Variants in ATP2B1 observed in about 807,000 individuals in gnomAD.
ATP2B1 encodes ATPase plasma membrane Ca2+ transporting 1.
In ATP2B1, 14 loss-of-function variants were observed where a neutral mutation model predicts 124.2. The observed-to-expected ratio is 0.11, with a 90% CI of 0.07 to 0.18. The LOEUF (loss-of-function observed/expected upper bound fraction) is 0.18, where lower values mean the gene tolerates loss of function less well. Among genes scored for constraint, ATP2B1 ranks in the 10% least tolerant of loss-of-function variants. The probability of loss-of-function intolerance (pLI) is 1.00; values close to 1 mark genes in which losing one functional copy is unlikely to be tolerated. For synonymous variants in ATP2B1, 449 were observed against 492.4 expected (o/e 0.91, Z 1.17); for missense variants, 763 against 1,466.1 (o/e 0.52, Z 7.83).
At chr12:89,653,091 T>A (rs1422335712) in intron 2 of ATP2B1, among the ~76,000 whole-genome samples, 2 of 152,192 alleles carry the variant, frequency 1.3e-5, no homozygotes, top group Non-Finnish European at 2.9e-5. Flanking sequence ...CTTCACATTC[T>A]TTTTAAAATA....
At chr12:89,601,709 G>A (rs534756953) in intron 18 of ATP2B1, among the ~76,000 whole-genome samples, 2 of 152,024 alleles carry the variant, frequency 1.3e-5, no homozygotes, top group Admixed American at 6.5e-5. Flanking sequence ...TTTAAATTAC[G>A]CTTACTAAAA....
chr12:89,643,156 A>ATATG (rs368833306), intron 2 of ATP2B1, among the ~76,000 whole-genome samples: 9 of 150,678 alleles, frequency 6.0e-5, no homozygotes, highest in East Asian at 1.9e-4. Flanking sequence ...GTATATGTAT[A>ATATG]TATGTATGTA....
chr12:89,680,719 CA>C (rs1889234508), intron 1 of ATP2B1, among the ~76,000 whole-genome samples: 1 of 151,656 alleles, frequency 6.6e-6, no homozygotes, highest in South Asian at 2.1e-4. Flanking sequence ...CAATCTAAAC[CA>C]GCATAATGAA....
intron 2 of ATP2B1, among the ~76,000 whole-genome samples, chr12:89,648,220 A>G (rs1400679880): frequency 2.0e-5 from 3 of 152,218 alleles, no homozygotes; most frequent in African/African-American, 4.8e-5. Context: ...AGAAGAAGAC[A>G]GGGAAATGAG....
At chr12:89,687,271 T>C (rs1428629126) in intron 1 of ATP2B1, among the ~76,000 whole-genome samples, 3 of 152,268 alleles carry the variant, frequency 2.0e-5, no homozygotes, top group Non-Finnish European at 4.4e-5. Flanking sequence ...AAACATTTAC[T>C]GTCGTGTTAC....
intron 1 of ATP2B1, among the ~76,000 whole-genome samples, chr12:89,675,527 C>T (rs553508769): frequency 5.4e-4 from 82 of 152,166 alleles, no homozygotes; most frequent in Non-Finnish European, 1.0e-3. Flanking sequence ...CCTAAGTATG[C>T]GGTCGAACAC....
chr12:89,618,157 G>C (rs1879332405), intron 11 of ATP2B1, among the ~76,000 whole-genome samples: 1 of 151,664 alleles, frequency 6.6e-6, no homozygotes, highest in Non-Finnish European at 1.5e-5. Flanking sequence ...CAGCTTTGAT[G>C]ATTCTACTAC....
chr12:89,624,871 A>G (rs1471952187), intron 8 of ATP2B1, among the ~76,000 whole-genome samples: 1 of 152,202 alleles, frequency 6.6e-6, no homozygotes, highest in Non-Finnish European at 1.5e-5. Flanking sequence ...ACAAAGTATT[A>G]TTTCTTCAAT....
chr12:89,626,659 C>T (rs1386362297), intron 7 of ATP2B1, 44 bp from the exon 8 acceptor site: 4 of 1,534,560 alleles, frequency 2.6e-6, no homozygotes, highest in Non-Finnish European at 1.7e-6. Flanking sequence ...TTTAAAGGCA[C>T]ATATCACTAT....
chr12:89,703,690 TTAAG>T (rs1306079382), intron 1 of ATP2B1, among the ~76,000 whole-genome samples: 2 of 152,132 alleles, frequency 1.3e-5, no homozygotes, highest in East Asian at 1.9e-4. Flanking sequence ...AATAAGTAAC[TTAAG>T]TAACCACAGA....
intron 1 of ATP2B1, among the ~76,000 whole-genome samples, chr12:89,664,714 T>G (rs1005285294): frequency 6.6e-6 from 1 of 152,202 alleles, no homozygotes; most frequent in East Asian, 1.9e-4. Flanking sequence ...CCAATGCTAC[T>G]GGTCTGGAGA....
intron 1 of ATP2B1, among the ~76,000 whole-genome samples, chr12:89,673,051 C>T (rs1473521451): frequency 6.6e-6 from 1 of 152,190 alleles, no homozygotes; most frequent in Non-Finnish European, 1.5e-5. Flanking sequence ...TATCCTCAAA[C>T]TCAAACACAA....
chr12:89,705,678 C>G (rs948474037), intron 1 of ATP2B1, among the ~76,000 whole-genome samples: 1 of 152,044 alleles, frequency 6.6e-6, no homozygotes, highest in Non-Finnish European at 1.5e-5. Context: ...GTATATATAA[C>G]AACATATAAT....
At chr12:89,642,501 T>C (rs1883703919) in intron 2 of ATP2B1, 146 bp from the exon 3 acceptor site, 4 of 787,624 alleles carry the variant, frequency 5.1e-6, no homozygotes, top group African/African-American at 1.8e-5. Context: ...TTTAAATCAC[T>C]GAAAAACATG....
intron 1 of ATP2B1, among the ~76,000 whole-genome samples, chr12:89,697,090 A>G (rs12230074): frequency 0.15 from 22,545 of 148,298 alleles, 2,077 homozygotes; most frequent in South Asian, 0.34. Flanking sequence ...AAAAGCAAGA[A>G]GTAATTCAAA....
chr12:89,624,159 T>C, intron 9 of ATP2B1, 24 bp downstream of exon 9: 1 of 1,602,616 alleles, frequency 6.2e-7, no homozygotes, highest in Non-Finnish European at 8.5e-7. Context: ...CATAACAACG[T>C]CTACTGAACT....
intron 1 of ATP2B1, among the ~76,000 whole-genome samples, chr12:89,697,447 A>G (rs1253643156): frequency 6.6e-6 from 1 of 152,172 alleles, no homozygotes; most frequent in African/African-American, 2.4e-5. Flanking sequence ...CTTCATGTCC[A>G]CATTGCTCAC....
chr12:89,596,063 C>T (rs149943966), intron 20 of ATP2B1, among the ~76,000 whole-genome samples: 89 of 152,126 alleles, frequency 5.9e-4, no homozygotes, highest in Non-Finnish European at 1.1e-3. Flanking sequence ...ATATATGTGT[C>T]TGCCTGCCTG....
intron 1 of ATP2B1, among the ~76,000 whole-genome samples, chr12:89,660,041 G>T (rs1305123191): frequency 4.0e-5 from 6 of 151,772 alleles, no homozygotes; most frequent in African/African-American, 1.5e-4. Flanking sequence ...TAACAGGTAA[G>T]ACATGGAGTG....
Sources: allele counts gnomAD v4.1 joint callset (sites outside exome capture counted in the v4.1 genomes callset), GRCh38; gene constraint gnomAD v4.1.1; transcripts MANE v1.5; gene names NCBI Gene and HGNC (gene_info 2026-07-23, HGNC 2026-07-21).